UBE2W: variants seen among roughly 807,000 people sequenced by gnomAD.
The protein encoded by UBE2W is ubiquitin conjugating enzyme E2 W, also known as ubiquitin-conjugating enzyme E2 W.
UBE2W carries 18 observed loss-of-function variants against 27.2 expected under a neutral mutation model. That is an observed-to-expected ratio of 0.66 (90% CI 0.46 to 0.98). UBE2W has a LOEUF of 0.98. UBE2W is among the 50% of genes least tolerant of loss of function. The pLI, the probability that UBE2W is intolerant of heterozygous loss-of-function variation, is 0.00. For synonymous variants in UBE2W, 53 were observed against 57.2 expected (o/e 0.93, Z 0.33); for missense variants, 90 against 180.2 (o/e 0.50, Z 2.87).
chr8:73,835,259 CCT>C (rs1810259466), intron 1 of UBE2W, among the ~76,000 whole-genome samples: 2 of 152,012 alleles, frequency 1.3e-5, no homozygotes, highest in Non-Finnish European at 2.9e-5. Context: ...TTCTCCTTAC[CCT>C]TAGACTTCTT....
At chr8:73,842,634 C>T (rs1810593053) in intron 1 of UBE2W, among the ~76,000 whole-genome samples, 1 of 150,602 alleles carries the variant, frequency 6.6e-6, no homozygotes, top group South Asian at 2.1e-4. Flanking sequence ...AAAAGCAAGC[C>T]TCAAAAATAC....
rs1411670545 is a variant in UBE2W at position 73,792,241 on chromosome 8, TTATC to T, written c.*1857_*1860del. ...AACTGACAGAGATCATTGTGAGAATTTATCTAGTCAAGATAGAACAAAAACGGTT... is the reference window on the plus strand; with the variant it reads ...AACTGACAGAGATCATTGTGAGAATTTAGTCAAGATAGAACAAAAACGGTT... On this transcript the variant is annotated 3_prime_UTR_variant, in exon 6 of 6. Coordinates refer to ENST00000602593, the MANE Select transcript of UBE2W (RefSeq NM_018299.6). 2 of 985,618 alleles carry T rather than the reference TTATC, an allele frequency of 2.0e-6. No homozygotes were observed. Among genetic ancestry groups the T allele is most frequent in the Non-Finnish European group, 2.4e-6 (2 of 829,818 alleles). 61.1% of individuals were successfully genotyped at this position (985,618 alleles called of 1,614,324 possible). A position where few individuals can be genotyped will look rare whatever the true frequency, so the allele number is the denominator to read the frequency against.
chr8:73,782,364 T>A (rs746440336), downstream of UBE2W, among the ~76,000 whole-genome samples: 1 of 152,118 alleles, frequency 6.6e-6, no homozygotes, highest in African/African-American at 2.4e-5. Flanking sequence ...AATGAACATA[T>A]GTATCATTCC....
intron 5 of UBE2W, among the ~76,000 whole-genome samples, chr8:73,798,998 G>A (rs961410153): frequency 1.3e-5 from 2 of 151,582 alleles, no homozygotes; most frequent in African/African-American, 4.9e-5. Flanking sequence ...TCCCACTCCC[G>A]CACTGCCTTA....
Position 73,866,280 on chromosome 8 carries a change from A to T in UBE2W, c.15+12528T>A, listed in dbSNP as rs1304878284. Among the ~76,000 whole-genome samples the T allele has an allele frequency of 6.1e-5, 6 of 98,970 alleles. No individual in the cohort carries two copies. The East Asian group carries it at 9.9e-4, about 16-fold the overall frequency. 64.9% of individuals were successfully genotyped at this position (98,970 alleles called of 152,430 possible). On this transcript the variant is annotated intron_variant, in intron 1 of 5. Coordinates refer to ENST00000602593, the MANE Select transcript of UBE2W (RefSeq NM_018299.6). ...GCAAGACTTGGTCTAAAAAAAAAAA[A>T]AAAAAAAAAAATATATATATATATA... is the stretch of plus-strand genomic sequence containing the variant.
chr8:73,814,985 A>T (rs1020231446), intron 3 of UBE2W, among the ~76,000 whole-genome samples: 19 of 152,228 alleles, frequency 1.2e-4, no homozygotes, highest in Non-Finnish European at 2.5e-4. Context: ...TAAGCAGGCC[A>T]ATCTCTGGGT....
intron 1 of UBE2W, among the ~76,000 whole-genome samples, chr8:73,877,478 G>A (rs926351512): frequency 1.1e-4 from 17 of 152,112 alleles, no homozygotes; most frequent in Non-Finnish European, 1.3e-4. Context: ...GTTGAAAGGG[G>A]AATAACATAA....
chr8:73,804,600 A>G (rs1012021054), intron 5 of UBE2W, among the ~76,000 whole-genome samples: 13 of 151,954 alleles, frequency 8.6e-5, no homozygotes, highest in Admixed American at 4.6e-4. Flanking sequence ...GAGCTTTCTA[A>G]TTTAATGAGG....
chr8:73,825,477 A>G (rs900456467), intron 2 of UBE2W, among the ~76,000 whole-genome samples: 2 of 152,176 alleles, frequency 1.3e-5, no homozygotes, highest in African/African-American at 2.4e-5. Context: ...GACAGCTAGC[A>G]AAAGACAGAG....
chr8:73,788,243 G>A lies in UBE2W; in HGVS notation c.*5859C>T. 3.2e-6 allele frequency: 3 copies of A among 952,220 alleles called. No homozygotes were observed. The highest frequency in any genetic ancestry group is 3.8e-6 in the Non-Finnish European group (3 of 799,918). 59.0% of individuals were successfully genotyped at this position (952,220 alleles called of 1,614,324 possible). On this transcript the variant is annotated 3_prime_UTR_variant, in exon 6 of 6. Coordinates refer to ENST00000602593, the MANE Select transcript of UBE2W (RefSeq NM_018299.6). ...AAAAATATATAACATAGATTTGTCT[G>A]TTTTAACATTTATATTCTATTTAAA...
intron 5 of UBE2W, among the ~76,000 whole-genome samples, chr8:73,794,543 T>C (rs1286479505): frequency 6.6e-6 from 1 of 152,190 alleles, no homozygotes; most frequent in Non-Finnish European, 1.5e-5. Flanking sequence ...AGGAAGTAAC[T>C]GTTCTTTACC....
At chr8:73,874,467 T>C (rs1045575379) in intron 1 of UBE2W, among the ~76,000 whole-genome samples, 2 of 151,996 alleles carry the variant, frequency 1.3e-5, no homozygotes. Flanking sequence ...AAAAAGCATT[T>C]AACAACAACA....
At chr8:73,832,518 G>A (rs895433924) in intron 1 of UBE2W, among the ~76,000 whole-genome samples, 2 of 152,096 alleles carry the variant, frequency 1.3e-5, no homozygotes, top group Admixed American at 6.5e-5. Flanking sequence ...AAAACGAATC[G>A]ATTTCTTCCA....
At chr8:73,820,482 A>G (rs1331980394) in intron 3 of UBE2W, among the ~76,000 whole-genome samples, 1 of 152,154 alleles carries the variant, frequency 6.6e-6, no homozygotes, top group African/African-American at 2.4e-5. Flanking sequence ...CGTGCCTATG[A>G]TCCCAGTACT....
At chr8:73,844,882 T>C (rs1351268850) in intron 1 of UBE2W, among the ~76,000 whole-genome samples, 7 of 149,916 alleles carry the variant, frequency 4.7e-5, no homozygotes, top group African/African-American at 7.4e-5. Context: ...GGCCACCCCG[T>C]CTGAGAAGTG....
chr8:73,839,977 C>G (rs1563608531), intron 1 of UBE2W, among the ~76,000 whole-genome samples: 1 of 152,024 alleles, frequency 6.6e-6, no homozygotes, highest in African/African-American at 2.4e-5. Flanking sequence ...CTCCAGTGAT[C>G]CACCTGCCTT....
rs1193781080 is a variant in UBE2W, at chr8:73,787,253, G to A, written c.*6849C>T. The A allele has an allele frequency of 2.4e-5, 24 of 985,298 alleles. No individual in the cohort carries two copies. The highest frequency in any genetic ancestry group is 2.7e-5 in the Non-Finnish European group (22 of 829,938). 61.0% of individuals were successfully genotyped at this position (985,298 alleles called of 1,614,324 possible). On this transcript the variant is annotated 3_prime_UTR_variant, in exon 6 of 6. Coordinates refer to ENST00000602593, the MANE Select transcript of UBE2W (RefSeq NM_018299.6). ...GTCCAAGTACACAAAACTCTTAGCTGTCTCACTTGCTTCTTCAATTTAGCT... is the reference window on the plus strand; with the variant it reads ...GTCCAAGTACACAAAACTCTTAGCTATCTCACTTGCTTCTTCAATTTAGCT...
At chr8:73,798,899 C>T (rs944648590) in intron 5 of UBE2W, among the ~76,000 whole-genome samples, 1 of 151,858 alleles carries the variant, frequency 6.6e-6, no homozygotes, top group Non-Finnish European at 1.5e-5. Flanking sequence ...GGTGAGTTGT[C>T]TATTTTGCAT....
At chr8:73,868,541 T>C (rs1327913867) in intron 1 of UBE2W, among the ~76,000 whole-genome samples, 4 of 152,174 alleles carry the variant, frequency 2.6e-5, no homozygotes, top group African/African-American at 4.8e-5. Flanking sequence ...GAACCTCCAA[T>C]TTGTAGCCAA....
Sources: gnomAD v4.1 joint callset for allele counts (sites outside exome capture counted in the v4.1 genomes callset) on GRCh38, gnomAD v4.1.1 for gene constraint, MANE v1.5 for transcripts, NCBI Gene and HGNC (gene_info 2026-07-23, HGNC 2026-07-21) for gene names.